The following CPA6 variants were observed in gnomAD, a reference collection of about 807,000 sequenced individuals.
CPA6 encodes the protein carboxypeptidase B.
A neutral mutation model predicts 63.3 loss-of-function variants in CPA6; 58 were observed. That is an observed-to-expected ratio of 0.92 (90% CI 0.74 to 1.14). CPA6 has a LOEUF of 1.14. Ranked by LOEUF, CPA6 falls within the 50% of genes most tolerant of loss-of-function variation. The pLI is 0.00. For missense variants in CPA6, 565 were observed against 526.6 expected (o/e 1.07, Z -0.71); for synonymous variants, 185 against 179.0 (o/e 1.03, Z -0.27).
chr8:67,624,604 A>G (rs1815156563), intron 1 of CPA6, among the ~76,000 whole-genome samples: 1 of 152,264 alleles, frequency 6.6e-6, no homozygotes, highest in South Asian at 2.1e-4. Context: ...AGAAGAAAGA[A>G]AAGTCATTCT....
chr8:67,500,612 G>A (rs1044142889), intron 6 of CPA6, among the ~76,000 whole-genome samples: 12 of 151,734 alleles, frequency 7.9e-5, no homozygotes, highest in Non-Finnish European at 1.2e-4. Flanking sequence ...GCTTTGTCTT[G>A]GTTTTAGATC....
chr8:67,515,306 C>T (rs892898575), intron 3 of CPA6, among the ~76,000 whole-genome samples: 3 of 152,196 alleles, frequency 2.0e-5, no homozygotes, highest in African/African-American at 7.2e-5. Context: ...AGATTTTCCA[C>T]TGATGTCCCT....
chr8:67,452,873 C>T (rs531289762), intron 8 of CPA6, among the ~76,000 whole-genome samples: 1 of 152,200 alleles, frequency 6.6e-6, no homozygotes, highest in East Asian at 1.9e-4. Flanking sequence ...GAGTTTTAAG[C>T]AGAGGAAACA....
chr8:67,602,088 A>AT (rs1814510985), intron 2 of CPA6, among the ~76,000 whole-genome samples: 1 of 152,224 alleles, frequency 6.6e-6, no homozygotes, highest in Non-Finnish European at 1.5e-5. Context: ...TAAGTGAAGA[A>AT]GGCAAGTAGT....
At chr8:67,503,100 A>T (rs1041737665) in intron 6 of CPA6, among the ~76,000 whole-genome samples, 1 of 151,690 alleles carries the variant, frequency 6.6e-6, no homozygotes, top group East Asian at 2.0e-4. Context: ...GTGTAGTGGC[A>T]TGATCCTGGC....
intron 1 of CPA6, among the ~76,000 whole-genome samples, chr8:67,666,218 C>T (rs765883657): frequency 9.2e-5 from 14 of 152,236 alleles, no homozygotes; most frequent in Non-Finnish European, 1.8e-4. Flanking sequence ...GCTACTTCCA[C>T]ACCTATTTTA....
At position 67,483,924 on chromosome 8, in the gene CPA6, T is replaced by C. The variant is rs116517066; in HGVS notation, c.748-66A>G. 7,898 of 1,257,974 alleles carry C rather than the reference T, an allele frequency of 6.3e-3. 380 individuals carry two copies. The African/African-American group carries it at 0.1, about 16-fold the overall frequency. The allele number at this position is 1,257,974 out of a possible 1,614,324, so 77.9% of individuals were successfully genotyped here. A position where few individuals can be genotyped will look rare whatever the true frequency, so the allele number is the denominator to read the frequency against. On this transcript the variant is annotated intron_variant, in intron 7 of 10. Coordinates refer to ENST00000297770, the MANE Select transcript of CPA6 (RefSeq NM_020361.5). ...AAAAGGTTATTCGCATGCATTTTAA[T>C]AGCTCAATCAATGAAAGAGTCATAC... is the stretch of plus-strand genomic sequence containing the variant.
intron 1 of CPA6, among the ~76,000 whole-genome samples, chr8:67,650,148 T>C (rs1470221686): frequency 1.3e-5 from 2 of 152,272 alleles, no homozygotes; most frequent in South Asian, 2.1e-4. Flanking sequence ...CTTTTCTTTT[T>C]TGGTGGTGAG....
intron 6 of CPA6, among the ~76,000 whole-genome samples, chr8:67,488,497 G>C (rs1400271323): frequency 6.6e-6 from 1 of 152,146 alleles, no homozygotes; most frequent in African/African-American, 2.4e-5. Flanking sequence ...GATGCCTCCA[G>C]CTTTGTTCTT....
intron 2 of CPA6, among the ~76,000 whole-genome samples, chr8:67,575,470 T>A (rs555708037): frequency 6.6e-6 from 1 of 152,214 alleles, no homozygotes; most frequent in Non-Finnish European, 1.5e-5. Context: ...ATAGTCAAGA[T>A]ACAGAATCAA....
intron 2 of CPA6, among the ~76,000 whole-genome samples, chr8:67,521,479 T>C (rs755524717): frequency 6.6e-6 from 1 of 152,190 alleles, no homozygotes; most frequent in Admixed American, 6.5e-5. Context: ...ATTGGAATCA[T>C]AGAAGCAAAA....
chr8:67,435,628 A>ATGTGTGTG (rs754016707), intron 8 of CPA6, among the ~76,000 whole-genome samples: 15 of 149,238 alleles, frequency 1.0e-4, no homozygotes, highest in Non-Finnish European at 1.5e-4. Context: ...GTGTGCGTGC[A>ATGTGTGTG]TGTGTGTGTG....
At chr8:67,691,190 CAT>C (rs1433195020) in intron 1 of CPA6, among the ~76,000 whole-genome samples, 3 of 152,298 alleles carry the variant, frequency 2.0e-5, no homozygotes, top group Admixed American at 2.0e-4. Context: ...AGAAATAACT[CAT>C]ATTGACTTCA....
At chr8:67,715,790 G>T (rs536724908) in intron 1 of CPA6, among the ~76,000 whole-genome samples, 45 of 152,250 alleles carry the variant, frequency 3.0e-4, no homozygotes, top group African/African-American at 1.1e-3. Context: ...TTCAAAATAT[G>T]TACTTGGGTT....
chr8:67,620,147 G>A (rs759909836), intron 2 of CPA6, among the ~76,000 whole-genome samples: 20 of 152,114 alleles, frequency 1.3e-4, no homozygotes, highest in South Asian at 2.1e-4. Context: ...TCCTTAGCTC[G>A]TGACTCTCAT....
chr8:67,602,369 A>T (rs111601431), intron 2 of CPA6, among the ~76,000 whole-genome samples: 2 of 152,268 alleles, frequency 1.3e-5, no homozygotes, highest in African/African-American at 4.8e-5. Flanking sequence ...GGGGGTCTTA[A>T]AAATTGTATA....
chr8:67,517,975 T>G lies in CPA6; in HGVS notation c.265A>C (p.Asn89His), dbSNP rs1384901329. 2 of 1,613,060 alleles carry G rather than the reference T, an allele frequency of 1.2e-6. No individual in the cohort carries two copies. The highest frequency in any genetic ancestry group is 1.3e-5 in the African/African-American group (1 of 74,888). ...GTVTDVHIPQNGSRALLAFLQ... is the reference protein window; with the variant it reads ...GTVTDVHIPQHGSRALLAFLQ... ...AAGGCTAACAGGGCTCGGGAACCAT[T>G]TTGGGGGATATGGACATCAGTAACT... Residue 89 changes from asparagine (N) to histidine (H), a missense_variant, in exon 3 of 11, where the codon AAT (asparagine) becomes CAT (histidine). Asn to His is a moderately conservative substitution (Grantham distance 68). Coordinates refer to ENST00000297770, the MANE Select transcript of CPA6 (RefSeq NM_020361.5).
Position 67,507,001 on chromosome 8 carries a change from G to A in CPA6, c.535-113C>T, listed in dbSNP as rs1811943748. 3 of 715,210 alleles carry A rather than the reference G, an allele frequency of 4.2e-6. No individual in the cohort carries two copies. In the African/African-American group the frequency reaches 5.3e-5, roughly 13 times the overall value. 44.3% of individuals were successfully genotyped at this position (715,210 alleles called of 1,614,324 possible). ...ACTGTAGTGTGGTTCATTAGGTAAT[G>A]CATAAAAAGGACAAAGGGAGTTCCT... On this transcript the variant is annotated intron_variant, in intron 5 of 10. Coordinates refer to ENST00000297770, the MANE Select transcript of CPA6 (RefSeq NM_020361.5).
At chr8:67,635,281 AC>A (rs144741263) in intron 1 of CPA6, among the ~76,000 whole-genome samples, 4,128 of 151,562 alleles carry the variant, frequency 0.027, 349 homozygotes, top group African/African-American at 0.092. Flanking sequence ...AATACATTCA[AC>A]CTTTTTGTTG....
Sources: gnomAD v4.1 joint callset for allele counts (sites outside exome capture counted in the v4.1 genomes callset) on GRCh38, gnomAD v4.1.1 for gene constraint, MANE v1.5 for transcripts, NCBI Gene and HGNC (gene_info 2026-07-23, HGNC 2026-07-21) for gene names.